The following RSPO4 variants were observed in gnomAD, a reference collection of about 807,000 sequenced individuals.
RSPO4 encodes the protein R-spondin 4.
Under a neutral mutation model 24.8 loss-of-function variants are expected in RSPO4, and 23 were observed. The ratio of observed to expected loss-of-function variants is 0.93; its 90% CI spans 0.67 to 1.31. The LOEUF is 1.31. Ranked by LOEUF, RSPO4 falls within the 40% of genes most tolerant of loss-of-function variation. The pLI is 0.00. For missense variants in RSPO4, 333 were observed against 316.5 expected, an observed-to-expected ratio of 1.05 and a Z score of -0.39; for synonymous variants, 141 against 127.4, an observed-to-expected ratio of 1.11 and a Z score of -0.72.
At position 970,495 on chromosome 20, in the gene RSPO4, T is replaced by A. The variant is rs1984373297; in HGVS notation, c.80-2357A>T. On this transcript the variant is annotated intron_variant, in intron 1 of 4. Transcript: ENST00000217260. This position sits in a 1 kb window ranked among gnomAD's most constrained non-coding sequence, Gnocchi z 4.1. ...TTCCCAAGCAAAGTTGGCATTGCCC[T>A]CAATTTTCTTGCCCTGGGATAAGAA... 6.6e-6 allele frequency among the ~76,000 whole-genome samples: 1 copy of A among 152,164 alleles called. No individual in the cohort carries two copies. Among genetic ancestry groups the A allele is most frequent in the South Asian group, 2.1e-4 (1 of 4,824 alleles).
intron 1 of RSPO4, among the ~76,000 whole-genome samples, chr20:990,039 C>G (rs570730693): frequency 9.2e-5 from 14 of 152,300 alleles, no homozygotes; most frequent in Admixed American, 1.3e-4. Flanking sequence ...GATGAGAAAA[C>G]TGAGGCTCGG....
chr20:964,767 C>CATATATAT, intron 3 of RSPO4, among the ~76,000 whole-genome samples: 1 of 142,134 alleles, frequency 7.0e-6, no homozygotes, highest in African/African-American at 2.9e-5. Flanking sequence ...TATATATACA[C>CATATATAT]ACACACACAC....
chr20:977,470 G>A (rs980438654), intron 1 of RSPO4, among the ~76,000 whole-genome samples: 2 of 152,184 alleles, frequency 1.3e-5, no homozygotes, highest in Non-Finnish European at 1.5e-5. Flanking sequence ...TGCTGTGGGG[G>A]CCTGGCAGGG....
In RSPO4 at chr20:960,188, A is replaced by G; in HGVS notation, c.*169T>C. Reference sequence around the variant, plus strand: ...GTGGAAGAAATAAAGGAAATAAAAAAGAAAAAGAAAGGGAAGGTAGACTGA... The same window carrying G: ...GTGGAAGAAATAAAGGAAATAAAAAGGAAAAAGAAAGGGAAGGTAGACTGA... On this transcript the variant is annotated 3_prime_UTR_variant, in exon 5 of 5. Coordinates refer to ENST00000217260, the MANE Select transcript of RSPO4 (RefSeq NM_001029871.4). The G allele has an allele frequency of 1.7e-6, 1 of 601,582 alleles. No individual in the cohort carries two copies. The highest frequency in any genetic ancestry group is 2.8e-5 in the East Asian group (1 of 36,128). 37.3% of individuals were successfully genotyped at this position (601,582 alleles called of 1,614,324 possible).
chr20:980,113 C>T (rs971992538), intron 1 of RSPO4, among the ~76,000 whole-genome samples: 1 of 152,164 alleles, frequency 6.6e-6, no homozygotes, highest in African/African-American at 2.4e-5. Flanking sequence ...TATTATCACA[C>T]CCATTTCAGA....
Position 967,046 on chromosome 20 carries a change from G to A in RSPO4, c.409+128C>T. On this transcript the variant is annotated intron_variant, in intron 3 of 4. Transcript: ENST00000217260. Reference sequence around the variant, plus strand: ...GGTACCCAGTGTACCTGACATGGTGGTGCTGGGCCTTCCCTCACCATATGG... The same window carrying A: ...GGTACCCAGTGTACCTGACATGGTGATGCTGGGCCTTCCCTCACCATATGG... 5 of 866,496 alleles carry A rather than the reference G, an allele frequency of 5.8e-6. No homozygotes were observed. The South Asian group carries it at 6.8e-5, about 12-fold the overall frequency. 53.7% of individuals were successfully genotyped at this position (866,496 alleles called of 1,614,324 possible). A position where few individuals can be genotyped will look rare whatever the true frequency, so the allele number is the denominator to read the frequency against.
rs962597240 is a variant in RSPO4, at chr20:970,065, C to T, written c.80-1927G>A. Reference sequence around the variant, plus strand: ...ACATCCTGGCACCTTCCCCCTGGAACAGAAACCAAAAGAGTTCTGGCCCTC... The same window carrying T: ...ACATCCTGGCACCTTCCCCCTGGAATAGAAACCAAAAGAGTTCTGGCCCTC... On this transcript the variant is annotated intron_variant, in intron 1 of 4. Coordinates refer to ENST00000217260, the MANE Select transcript of RSPO4 (RefSeq NM_001029871.4). This position sits in a 1 kb window ranked among gnomAD's most constrained non-coding sequence, Gnocchi z 4.1. 1.3e-5 allele frequency among the ~76,000 whole-genome samples: 2 copies of T among 152,130 alleles called. No individual in the cohort carries two copies. Among genetic ancestry groups the T allele is most frequent in the Admixed American group, 6.5e-5 (1 of 15,284 alleles).
rs200584918 is a variant in RSPO4 at position 1,002,125 on chromosome 20, C to T, written c.40G>A (p.Ala14Thr). ...PLCLLLLVAH[A>T]VDMLALNRRK... is the part of the protein sequence containing the mutation. ...CGGTTCAGGGCGAGCATGTCCACGGCGTGGGCGACGAGCAGGAGCAGGCAG... is the reference window on the plus strand; with the variant it reads ...CGGTTCAGGGCGAGCATGTCCACGGTGTGGGCGACGAGCAGGAGCAGGCAG... Residue 14 changes from alanine (A) to threonine (T), a missense_variant, in exon 1 of 5, where the codon GCC (alanine) becomes ACC (threonine). Transcript: ENST00000217260. The surrounding 1 kb of genome is among the most constrained non-coding windows in gnomAD (Gnocchi z 4.6). The T allele has an allele frequency of 1.2e-4, 188 of 1,565,654 alleles. No individual in the cohort carries two copies. Among genetic ancestry groups the T allele is most frequent in the Non-Finnish European group, 1.5e-4 (178 of 1,155,020 alleles).
rs188810878 is a variant in RSPO4, at chr20:988,932, C to T, written c.79+13154G>A. ...AGCCTCCTCCATAAATGCCCCAAAT[C>T]GCTTCTGCCTCTCCTGGTCATTGGT... On this transcript the variant is annotated intron_variant, in intron 1 of 4. Transcript: ENST00000217260. Among the ~76,000 whole-genome samples the T allele has an allele frequency of 2.0e-5, 3 of 152,310 alleles. No homozygotes were observed. In the East Asian group the frequency reaches 5.8e-4, roughly 29 times the overall value.
At chr20:974,372 G>A (rs2051848668) in intron 1 of RSPO4, among the ~76,000 whole-genome samples, 1 of 152,202 alleles carries the variant, frequency 6.6e-6, no homozygotes, top group Admixed American at 6.5e-5. Context: ...CTGGGCTGAT[G>A]GACAATGGTC....
Position 967,985 on chromosome 20 carries a change from A to C in RSPO4, c.233T>G (p.Phe78Cys). The change falls in exon 2 of 5, where the codon TTC becomes TGC. Residue 78 changes from phenylalanine to cysteine, a missense_variant. Transcript: ENST00000217260. ...KCLHDCPPGY[F>C]GIRGQEVNRC... ...GTTGACCTCCTGGCCGCGGATGCCG[A>C]AGTACCCAGGGGGACAGTCGTGCAG... 1 of 1,614,240 alleles carries C rather than the reference A, an allele frequency of 6.2e-7. No homozygotes were observed. Among genetic ancestry groups the C allele is most frequent in the Admixed American group, 1.7e-5 (1 of 60,036 alleles).
At chr20:990,205 T>A (rs1985051848) in intron 1 of RSPO4, among the ~76,000 whole-genome samples, 1 of 152,128 alleles carries the variant, frequency 6.6e-6, no homozygotes, top group Non-Finnish European at 1.5e-5. Context: ...CGACAAATGC[T>A]ATTTAAAGTC....
At chr20:996,490 G>A (rs1422044668) in intron 1 of RSPO4, among the ~76,000 whole-genome samples, 1 of 152,228 alleles carries the variant, frequency 6.6e-6, no homozygotes, top group African/African-American at 2.4e-5. Context: ...TCTCAAGGGT[G>A]TGTTGAGGTG....
At chr20:963,772 G>A (rs1338085411) in intron 4 of RSPO4, among the ~76,000 whole-genome samples, 163 bp downstream of exon 4, 1 of 152,190 alleles carries the variant, frequency 6.6e-6, no homozygotes, top group East Asian at 1.9e-4. Flanking sequence ...GCCCTCCTTT[G>A]AAAGGACACC....
At chr20:962,936 C>A (rs13036756) in intron 4 of RSPO4, among the ~76,000 whole-genome samples, 5,479 of 152,310 alleles carry the variant, frequency 0.036, 232 homozygotes, top group African/African-American at 0.1. Flanking sequence ...ACACCTACCG[C>A]ATAGCATCAC....
In RSPO4 at chr20:967,166, C is replaced by T. The variant is rs964566679; in HGVS notation, c.409+8G>A. 4.3e-6 allele frequency: 7 copies of T among 1,612,766 alleles called. No individual in the cohort carries two copies. Among genetic ancestry groups the T allele is most frequent in the South Asian group, 2.2e-5 (2 of 91,082 alleles). ...GGGCAGGGGCAGGGCGGGGAGGTCC[C>T]CACTCACCCTGGCACTCCCGTGTGT... On this transcript the variant is annotated splice_region_variant and intron_variant, in intron 3 of 4. Coordinates refer to ENST00000217260, the MANE Select transcript of RSPO4 (RefSeq NM_001029871.4).
chr20:969,199 C>G (rs1230185426), intron 1 of RSPO4, among the ~76,000 whole-genome samples: 1 of 152,222 alleles, frequency 6.6e-6, no homozygotes, highest in Non-Finnish European at 1.5e-5. Flanking sequence ...ACCTGTAGTC[C>G]CAGCTACTTG....
At chr20:964,682 GTA>G (rs146795276) in intron 3 of RSPO4, among the ~76,000 whole-genome samples, 3,569 of 141,050 alleles carry the variant, frequency 0.025, 96 homozygotes, top group African/African-American at 0.068. Context: ...ATATATACAT[GTA>G]TATATATATA....
chr20:973,459 A>ATTGTTTGT (rs138891857), intron 1 of RSPO4, among the ~76,000 whole-genome samples: 2,441 of 150,626 alleles, frequency 0.016, 49 homozygotes, highest in East Asian at 0.075. Context: ...TGTTTGTTTT[A>ATTGTTTGT]TTGTTTGTTT....
Sources: gnomAD v4.1 joint callset for allele counts (sites outside exome capture counted in the v4.1 genomes callset) on GRCh38, gnomAD v4.1.1 for gene constraint, Gnocchi (gnomAD v3.1) non-coding constraint, MANE v1.5 for transcripts, NCBI Gene and HGNC (gene_info 2026-07-23, HGNC 2026-07-21) for gene names.